MYO1E: variants seen among roughly 807,000 people sequenced by gnomAD.
MYO1E encodes the protein myosin IE.
Under a neutral mutation model 151.1 loss-of-function variants are expected in MYO1E, and 68 were observed. The ratio of observed to expected loss-of-function variants is 0.45; its 90% CI spans 0.37 to 0.55. The LOEUF (loss-of-function observed/expected upper bound fraction) is 0.55, where lower values mean the gene tolerates loss of function less well. Among genes scored for constraint, MYO1E ranks in the 20% least tolerant of loss-of-function variants. MYO1E has a pLI of 0.00. For missense variants in MYO1E, 1,363 were observed against 1,389.3 expected, an observed-to-expected ratio of 0.98 and a Z score of 0.30; for synonymous variants, 601 against 501.7, an observed-to-expected ratio of 1.20 and a Z score of -2.64.
At chr15:59,310,980 C>T (rs547361983) in intron 1 of MYO1E, among the ~76,000 whole-genome samples, 2 of 152,142 alleles carry the variant, frequency 1.3e-5, no homozygotes, top group Admixed American at 6.5e-5. Context: ...GCCTGTCCCA[C>T]GTACTCATGT....
rs139149691 is a variant in MYO1E at position 59,136,372 on chromosome 15, G to A, written c.*1008C>T. The stretch of plus-strand genomic sequence containing the variant: ...GTCATAAAAGAAGAAGGTGTTCGCC[G>A]ATTCCTTTATTTATTTAGGAGGTGG... On this transcript the variant is annotated 3_prime_UTR_variant, in exon 28 of 28. Transcript: ENST00000288235. 1.7e-4 allele frequency: 28 copies of A among 166,888 alleles called. No homozygotes were observed. The highest frequency in any genetic ancestry group is 5.2e-4 in the African/African-American group (22 of 42,182). The allele number at this position is 166,888 out of a possible 1,614,324, so 10.3% of individuals were successfully genotyped here.
intron 13 of MYO1E, 52 bp from the exon 14 acceptor site, chr15:59,208,900 C>A (rs1264432131): frequency 6.2e-7 from 1 of 1,604,720 alleles, no homozygotes; most frequent in Non-Finnish European, 8.5e-7. Context: ...CCAAAACAGA[C>A]AATGCTTATC....
rs2079386099 is a variant in MYO1E, at chr15:59,138,307, G to C, written c.3141C>G (p.Pro1047=). The part of the protein sequence containing the change: ...PPAGGRPKPQ[P]KPKPQVPQCK... ...ACTGTGGCACCTGAGGCTTGGGCTT[G>C]GGCTGGGGCTTGGGTCTGCCCCCTG... Residue 1047 remains proline (P), a synonymous_variant, in exon 27 of 28, where the codon CCC becomes CCG. Coordinates refer to ENST00000288235, the MANE Select transcript of MYO1E (RefSeq NM_004998.4). 2 of 1,614,104 alleles carry C rather than the reference G, an allele frequency of 1.2e-6. No homozygotes were observed.
chr15:59,214,766 C>G (rs780702511), intron 10 of MYO1E, 46 bp from the exon 11 acceptor site: 2 of 1,484,544 alleles, frequency 1.3e-6, no homozygotes, highest in East Asian at 4.5e-5. Context: ...TCCATTCATA[C>G]TAAAAACGGG....
intron 5 of MYO1E, among the ~76,000 whole-genome samples, chr15:59,234,265 CATGGATGGATGGATGCACGGATGG>C: frequency 7.1e-6 from 1 of 140,684 alleles, no homozygotes; most frequent in South Asian, 2.1e-4. Flanking sequence ...TGGATGGGTG[CATGGATGGATGGATGCACGGATGG>C]ATGGATGGAT....
chr15:59,303,496 T>C (rs1421248946), intron 1 of MYO1E, among the ~76,000 whole-genome samples: 2 of 151,706 alleles, frequency 1.3e-5, no homozygotes, highest in African/African-American at 4.9e-5. Flanking sequence ...ACCACTGCAC[T>C]CCAGCCTGGG....
chr15:59,199,053 A>C (rs1022669899), intron 16 of MYO1E, among the ~76,000 whole-genome samples: 2 of 152,162 alleles, frequency 1.3e-5, no homozygotes, highest in Middle Eastern at 3.4e-3. Flanking sequence ...TTGGGAAGGG[A>C]AGTGTTTCGG....
At chr15:59,152,408 G>A (rs938203262) in intron 26 of MYO1E, among the ~76,000 whole-genome samples, 33 of 152,320 alleles carry the variant, frequency 2.2e-4, no homozygotes, top group African/African-American at 7.9e-4. Flanking sequence ...GGGCTTGAGA[G>A]AGGGGAAGAG....
chr15:59,240,699 T>G (rs1393529637), intron 4 of MYO1E, among the ~76,000 whole-genome samples: 1 of 152,244 alleles, frequency 6.6e-6, no homozygotes, highest in Non-Finnish European at 1.5e-5. Context: ...ATTTCTGATC[T>G]AAAAATCTCT....
intron 3 of MYO1E, among the ~76,000 whole-genome samples, chr15:59,258,276 GGT>G (rs1322625712): frequency 3.9e-5 from 6 of 152,252 alleles, no homozygotes; most frequent in Non-Finnish European, 7.3e-5. Flanking sequence ...GAATCCAGGA[GGT>G]GGAGGTTGCA....
intron 1 of MYO1E, among the ~76,000 whole-genome samples, chr15:59,312,304 G>C (rs2140411332): frequency 6.6e-6 from 1 of 152,302 alleles, no homozygotes; most frequent in East Asian, 1.9e-4. Flanking sequence ...ACAACTGAAA[G>C]AGTTCAGAGA....
chr15:59,253,693 G>T (rs2080178337), intron 4 of MYO1E, among the ~76,000 whole-genome samples: 1 of 152,042 alleles, frequency 6.6e-6, no homozygotes, highest in Non-Finnish European at 1.5e-5. Flanking sequence ...TGTTGGCCAG[G>T]ATGGTCTTGA....
At chr15:59,143,983 T>A (rs2079426242) in intron 26 of MYO1E, among the ~76,000 whole-genome samples, 1 of 152,140 alleles carries the variant, frequency 6.6e-6, no homozygotes, top group African/African-American at 2.4e-5. Flanking sequence ...GTGACTTGTG[T>A]GGCTATTTGG....
chr15:59,207,583 G>C, intron 14 of MYO1E: 1 of 1,614,122 alleles, frequency 6.2e-7, no homozygotes, highest in East Asian at 2.2e-5. Context: ...CTGTAATCTG[G>C]ATACTGCTCG....
chr15:59,144,418 C>T (rs545108959), intron 26 of MYO1E, among the ~76,000 whole-genome samples: 1 of 152,112 alleles, frequency 6.6e-6, no homozygotes, highest in Non-Finnish European at 1.5e-5. Context: ...CCGCCCGCCT[C>T]AGCCTCCCAA....
At chr15:59,209,922 C>T (rs2079868389) in intron 13 of MYO1E, among the ~76,000 whole-genome samples, 1 of 147,388 alleles carries the variant, frequency 6.8e-6, no homozygotes, top group South Asian at 2.2e-4. Context: ...ACATCCTCAA[C>T]CTCCCAGGCT....
chr15:59,209,591 G>A (rs994277679), intron 13 of MYO1E, among the ~76,000 whole-genome samples: 22 of 151,862 alleles, frequency 1.4e-4, no homozygotes, highest in Admixed American at 5.3e-4. Context: ...CAGGAGAATC[G>A]CTTGAACCCG....
chr15:59,275,627 C>T (rs1267288749), intron 1 of MYO1E, among the ~76,000 whole-genome samples: 1 of 152,130 alleles, frequency 6.6e-6, no homozygotes, highest in African/African-American at 2.4e-5. Flanking sequence ...CTCCCCACTC[C>T]CCTAAAAACC....
At chr15:59,273,576 A>T (rs1161513578) in intron 1 of MYO1E, among the ~76,000 whole-genome samples, 1 of 152,178 alleles carries the variant, frequency 6.6e-6, no homozygotes, top group African/African-American at 2.4e-5. Context: ...GACTTCCCAG[A>T]AAAGGAGCCA....
Sources: allele counts gnomAD v4.1 joint callset (sites outside exome capture counted in the v4.1 genomes callset), GRCh38; gene constraint gnomAD v4.1.1; transcripts MANE v1.5; gene names NCBI Gene and HGNC (gene_info 2026-07-23, HGNC 2026-07-21).